Variants in ANK3 observed in about 807,000 individuals in gnomAD.
ANK3 encodes ankyrin-3.
Under a neutral mutation model 370.9 loss-of-function variants are expected in ANK3, and 57 were observed. That is an observed-to-expected ratio of 0.15 (90% CI 0.12 to 0.19). ANK3 has a LOEUF of 0.19. ANK3 is among the 10% of genes least tolerant of loss of function. The pLI is 1.00. For missense variants in ANK3, 4,439 were observed against 5,302.1 expected, an observed-to-expected ratio of 0.84 and a Z score of 5.06; for synonymous variants, 1,929 against 1,946.3, an observed-to-expected ratio of 0.99 and a Z score of 0.23.
Position 60,027,640 on chromosome 10 carries a change from T to C in ANK3, c.*2206A>G, listed in dbSNP as rs1478389565. ...TAGATATGAGGACTAAGTAAGTAAA[T>C]GGAATGTGCTTAGAACAGAGAATAG... On this transcript the variant is annotated 3_prime_UTR_variant, in exon 44 of 44. Coordinates refer to ENST00000280772, the MANE Select transcript of ANK3 (RefSeq NM_020987.5). The C allele has an allele frequency of 6.6e-6, 1 of 152,146 alleles. No individual in the cohort carries two copies. The highest frequency in any genetic ancestry group is 6.5e-5 in the Admixed American group (1 of 15,278). The allele number at this position is 152,146 out of a possible 1,614,324, so 9.4% of individuals were successfully genotyped here. A position where few individuals can be genotyped will look rare whatever the true frequency, so the allele number is the denominator to read the frequency against.
chr10:60,211,892 C>CAAAAAAAAAAAAAAAAAAAAAGAA, intron 9 of ANK3, among the ~76,000 whole-genome samples: 1 of 93,400 alleles, frequency 1.1e-5, no homozygotes, highest in South Asian at 3.7e-4. Flanking sequence ...AATACAGAGC[C>CAAAAAAAAAAAAAAAAAAAAAGAA]AAAAAAAAAA....
chr10:60,474,063 T>C (rs1006964367), intron 2 of ANK3, among the ~76,000 whole-genome samples: 2 of 150,200 alleles, frequency 1.3e-5, no homozygotes, highest in African/African-American at 4.9e-5. Context: ...AGCCCAGGAG[T>C]TCGAGGCTGC....
chr10:60,195,253 A>C (rs2096566902), intron 16 of ANK3, among the ~76,000 whole-genome samples: 1 of 152,010 alleles, frequency 6.6e-6, no homozygotes, highest in South Asian at 2.1e-4. Flanking sequence ...GTGTGGTGGC[A>C]GGTGCCTGTA....
At chr10:60,088,112 G>A (rs755860666) in intron 29 of ANK3, 35 bp downstream of exon 29, 8 of 1,555,168 alleles carry the variant, frequency 5.1e-6, no homozygotes, top group Admixed American at 1.7e-5. Context: ...TGCTCTCTGC[G>A]CATACTGAGG....
intron 2 of ANK3, among the ~76,000 whole-genome samples, chr10:60,582,761 A>G (rs1938527): frequency 0.47 from 71,464 of 151,618 alleles, 17,230 homozygotes; most frequent in Middle Eastern, 0.52. Flanking sequence ...CCCATTCCGT[A>G]GGTTGTCTTT....
chr10:60,418,488 A>AG (rs1481108362), intron 2 of ANK3, among the ~76,000 whole-genome samples: 1 of 152,108 alleles, frequency 6.6e-6, no homozygotes, highest in Admixed American at 6.6e-5. Context: ...ATATTTCTTG[A>AG]GGAAAAGTGG....
chr10:60,561,344 C>T (rs566472478), intron 2 of ANK3, among the ~76,000 whole-genome samples: 13 of 152,120 alleles, frequency 8.5e-5, no homozygotes, highest in South Asian at 8.3e-4. Flanking sequence ...TTTTTATTTC[C>T]GTTTTATTGA....
intron 1 of ANK3, among the ~76,000 whole-genome samples, chr10:60,355,131 G>A (rs578079845): frequency 2.7e-4 from 41 of 152,168 alleles, no homozygotes; most frequent in Admixed American, 3.3e-4. Flanking sequence ...GTTTAATCCC[G>A]GGTATTGAGG....
At chr10:60,338,085 T>C (rs1051025605) in intron 1 of ANK3, among the ~76,000 whole-genome samples, 1 of 152,172 alleles carries the variant, frequency 6.6e-6, no homozygotes, top group Non-Finnish European at 1.5e-5. Context: ...CCTGTGTTCC[T>C]GTTACTCTCT....
In ANK3 at chr10:60,583,946, G is replaced by T. The variant is rs376258707; in HGVS notation, c.96+31240C>A. 6.6e-5 allele frequency among the ~76,000 whole-genome samples: 10 copies of T among 152,186 alleles called. No individual in the cohort carries two copies. The South Asian group carries it at 1.9e-3, about 28-fold the overall frequency. ...TGATGTTTATGGTGATGATATGTTA[G>T]TTTTCCTAATTTGATCTTTACACAG... On this transcript the variant is annotated intron_variant, in intron 2 of 43. Transcript: ENST00000373827.
At chr10:60,365,834 T>C (rs1035685969) in intron 1 of ANK3, among the ~76,000 whole-genome samples, 17 of 152,134 alleles carry the variant, frequency 1.1e-4, no homozygotes, top group African/African-American at 4.1e-4. Context: ...AATCCAGGAA[T>C]CCTACTCCAG....
At chr10:60,369,237 A>G (rs992733370) in intron 1 of ANK3, among the ~76,000 whole-genome samples, 6 of 152,238 alleles carry the variant, frequency 3.9e-5, no homozygotes, top group Non-Finnish European at 8.8e-5. Context: ...ACGAAAGCTG[A>G]AGGATTCCTT....
intron 2 of ANK3, among the ~76,000 whole-genome samples, chr10:60,471,062 A>AGCCTTTT (rs1386414907): frequency 2.0e-5 from 3 of 152,174 alleles, no homozygotes; most frequent in African/African-American, 7.2e-5. Context: ...GCACTGCTCT[A>AGCCTTTT]GCCTTTTGAC....
intron 25 of ANK3, among the ~76,000 whole-genome samples, chr10:60,117,038 T>C (rs937299471): frequency 2.6e-5 from 4 of 152,168 alleles, no homozygotes; most frequent in African/African-American, 9.7e-5. Flanking sequence ...TAAAAGGCAA[T>C]AGAGCAATTC....
At chr10:60,213,297 T>C in intron 9 of ANK3, 115 bp downstream of exon 9, 3 of 680,446 alleles carry the variant, frequency 4.4e-6, no homozygotes, top group Non-Finnish European at 7.4e-6. Context: ...CTGGTGAACA[T>C]AACTACTCTG....
chr10:60,489,238 T>C lies in ANK3; in HGVS notation c.96+125948A>G, dbSNP rs551043564. On this transcript the variant is annotated intron_variant, in intron 2 of 43. Coordinates refer to the ANK3 transcript ENST00000373827. ...CTCCAATGCACAGTGAATTTAATCA[T>C]TGATATTCCAAAATACCAACCCTGA... is the stretch of plus-strand genomic sequence containing the variant. Among the ~76,000 whole-genome samples, 22 of 152,324 alleles carry C rather than the reference T, an allele frequency of 1.4e-4. 2 individuals carry two copies. The South Asian group carries it at 4.4e-3, about 30-fold the overall frequency.
At chr10:60,676,775 G>C (rs1207599303) in intron 1 of ANK3, among the ~76,000 whole-genome samples, 1 of 152,132 alleles carries the variant, frequency 6.6e-6, no homozygotes, top group African/African-American at 2.4e-5. Context: ...AAGAGAGGTT[G>C]GTTAATAGTT....
At chr10:60,465,729 T>C (rs1230750470) in intron 2 of ANK3, among the ~76,000 whole-genome samples, 2 of 151,990 alleles carry the variant, frequency 1.3e-5, no homozygotes, top group Non-Finnish European at 2.9e-5. Flanking sequence ...CTTGACAGAA[T>C]GCTTTACAGC....
intron 1 of ANK3, among the ~76,000 whole-genome samples, chr10:60,727,814 A>G (rs1210258802): frequency 2.6e-5 from 4 of 152,110 alleles, no homozygotes; most frequent in African/African-American, 4.8e-5. Context: ...TCAGTGTAAG[A>G]GCCCTTTCCC....
Sources: gnomAD v4.1 joint callset for allele counts (sites outside exome capture counted in the v4.1 genomes callset) on GRCh38, gnomAD v4.1.1 for gene constraint, MANE v1.5 for transcripts, NCBI Gene and HGNC (gene_info 2026-07-23, HGNC 2026-07-21) for gene names.